The following SAMMSON variants were observed in gnomAD, a reference collection of about 807,000 sequenced individuals.
SAMMSON encodes survival associated mitochondrial melanoma specific oncogenic non-coding RNA, also known as long intergenic non-protein coding RNA 1212.
chr3:70,101,596 G>T (rs1484829615), intron 4 of SAMMSON, among the ~76,000 whole-genome samples: 2 of 152,032 alleles, frequency 1.3e-5, no homozygotes, highest in African/African-American at 4.8e-5. Flanking sequence ...TTCCTTCTTT[G>T]TGAATTATGG....
intron 4 of SAMMSON, among the ~76,000 whole-genome samples, chr3:70,169,709 C>T (rs68046682): frequency 0.076 from 11,288 of 148,020 alleles, 537 homozygotes; most frequent in Non-Finnish European, 0.11. Context: ...TTCTAGAACT[C>T]TAGGTAGACA....
chr3:70,237,979 CTTTTTTTT>C (rs71672662), intron 4 of SAMMSON, among the ~76,000 whole-genome samples: 12 of 48,942 alleles, frequency 2.5e-4, no homozygotes, highest in African/African-American at 3.2e-4. Context: ...TGAGTGGTAT[CTTTTTTTT>C]TTTTTTTTTT....
chr3:70,124,975 C>T, intron 4 of SAMMSON: 3 of 637,982 alleles, frequency 4.7e-6, no homozygotes, highest in Non-Finnish European at 8.4e-6. Context: ...CTGTTATGCA[C>T]AGTTCCATAG....
chr3:70,029,350 C>T (rs551313678), intron 3 of SAMMSON, among the ~76,000 whole-genome samples: 2 of 152,210 alleles, frequency 1.3e-5, no homozygotes, highest in South Asian at 2.1e-4. Context: ...AATGTGGAAC[C>T]TTTTCTTAGT....
chr3:70,231,987 T>C (rs1476469301), intron 4 of SAMMSON, among the ~76,000 whole-genome samples: 4 of 152,170 alleles, frequency 2.6e-5, no homozygotes, highest in Non-Finnish European at 5.9e-5. Context: ...AAAGCGTTAT[T>C]GTCTGCTCCT....
chr3:70,171,615 TG>T (rs10714233), intron 4 of SAMMSON, among the ~76,000 whole-genome samples: 83,240 of 151,476 alleles, frequency 0.55, 24,051 homozygotes, highest in Non-Finnish European at 0.62. Context: ...GCACAGTCTT[TG>T]GGGGGGGGAG....
chr3:70,070,125 T>C (rs569391322), intron 3 of SAMMSON: 4 of 152,120 alleles, frequency 2.6e-5, no homozygotes, highest in Non-Finnish European at 5.9e-5. Flanking sequence ...CATACAGAAG[T>C]AATTCTTAAA....
chr3:70,068,559 G>A (rs1226414473), intron 3 of SAMMSON: 9 of 152,068 alleles, frequency 5.9e-5, no homozygotes, highest in African/African-American at 2.2e-4. Flanking sequence ...ACATAACTTG[G>A]ATCCTGTGTA....
intron 6 of SAMMSON, among the ~76,000 whole-genome samples, chr3:70,256,780 T>G (rs2106657401): frequency 6.6e-6 from 1 of 152,300 alleles, no homozygotes; most frequent in South Asian, 2.1e-4. Context: ...ACTTCCAAGT[T>G]AAGAGTTCTC....
chr3:70,324,021 C>T (rs1171130951), intron 7 of SAMMSON, among the ~76,000 whole-genome samples: 1 of 152,080 alleles, frequency 6.6e-6, no homozygotes, highest in Non-Finnish European at 1.5e-5. Context: ...TTCATTCGTC[C>T]CTTCCTGACC....
At chr3:70,134,213 T>C (rs983248116) in intron 4 of SAMMSON, among the ~76,000 whole-genome samples, 3 of 151,826 alleles carry the variant, frequency 2.0e-5, no homozygotes, top group Non-Finnish European at 4.4e-5. Flanking sequence ...TGAGCCGAGA[T>C]TGTGCCACTG....
intron 4 of SAMMSON, among the ~76,000 whole-genome samples, chr3:70,199,396 G>A (rs1011399765): frequency 1.4e-4 from 21 of 151,778 alleles, no homozygotes; most frequent in Admixed American, 3.9e-4. Flanking sequence ...AAAAAGTTTT[G>A]GCTTAATCCT....
chr3:70,281,939 G>A (rs921991920), intron 6 of SAMMSON, among the ~76,000 whole-genome samples: 5 of 152,160 alleles, frequency 3.3e-5, no homozygotes, highest in Non-Finnish European at 7.4e-5. Context: ...TGATTGTACA[G>A]TAACACCCTG....
At chr3:70,426,960 G>T (rs1485454996) in intron 2 of SAMMSON, among the ~76,000 whole-genome samples, 1 of 152,158 alleles carries the variant, frequency 6.6e-6, no homozygotes, top group Non-Finnish European at 1.5e-5. Context: ...GTTGTCCAAG[G>T]TAATTAGAGA....
chr3:70,102,431 A>G (rs904235238), intron 4 of SAMMSON, among the ~76,000 whole-genome samples: 3 of 152,186 alleles, frequency 2.0e-5, no homozygotes, highest in Admixed American at 2.0e-4. Context: ...TTTGAAGACC[A>G]TCTGTAGTAA....
At chr3:70,048,605 C>T (rs1053516871) in intron 3 of SAMMSON, among the ~76,000 whole-genome samples, 1 of 152,100 alleles carries the variant, frequency 6.6e-6, no homozygotes, top group Admixed American at 6.6e-5. Context: ...CTTTCTCTCA[C>T]TGATTGCTCA....
chr3:70,271,349 A>G (rs971866130), intron 6 of SAMMSON, among the ~76,000 whole-genome samples: 2 of 151,988 alleles, frequency 1.3e-5, no homozygotes, highest in East Asian at 1.9e-4. Flanking sequence ...TGTTGTGGCT[A>G]CTCACCTCCA....
At chr3:70,233,870 A>C (rs1164717773) in intron 4 of SAMMSON, among the ~76,000 whole-genome samples, 2 of 152,176 alleles carry the variant, frequency 1.3e-5, no homozygotes, top group African/African-American at 4.8e-5. Flanking sequence ...ACCTTAATTC[A>C]GTTTATCTAT....
intron 4 of SAMMSON, among the ~76,000 whole-genome samples, chr3:70,183,143 C>T (rs1246080103): frequency 1.3e-5 from 2 of 152,196 alleles, no homozygotes; most frequent in African/African-American, 4.8e-5. Context: ...TTTTTCTTCA[C>T]TGTAACTGTG....
Sources: gnomAD v4.1 joint callset for allele counts (sites outside exome capture counted in the v4.1 genomes callset) on GRCh38, gnomAD v4.1.1 for gene constraint, MANE v1.5 for transcripts, NCBI Gene and HGNC (gene_info 2026-07-23, HGNC 2026-07-21) for gene names.